FBXL2: variants seen among roughly 807,000 people sequenced by gnomAD.
FBXL2 encodes F-box/LRR-repeat protein 2.
FBXL2 carries 38 observed loss-of-function variants against 69.2 expected under a neutral mutation model. The ratio of observed to expected loss-of-function variants is 0.55; its 90% confidence interval spans 0.42 to 0.72. The LOEUF is 0.72. FBXL2 is among the 30% of genes least tolerant of loss of function. The pLI is 0.00. For missense variants in FBXL2, 354 were observed against 520.3 expected, an observed-to-expected ratio of 0.68 and a Z score of 3.11; for synonymous variants, 192 against 201.3, an observed-to-expected ratio of 0.95 and a Z score of 0.39.
intron 2 of FBXL2, among the ~76,000 whole-genome samples, chr3:33,332,429 G>A (rs998446938): frequency 6.6e-6 from 1 of 152,056 alleles, no homozygotes; most frequent in African/African-American, 2.4e-5. Context: ...CCACTTTTAG[G>A]TATATACCCC....
At chr3:33,388,145 G>T (rs1559658608), downstream of FBXL2, 2 of 150,950 alleles carry the variant, frequency 1.3e-5, no homozygotes, top group Non-Finnish European at 2.9e-5. Context: ...TAGTTAGTTA[G>T]TTAGTTAGTT....
downstream of FBXL2, chr3:33,391,935 G>C (rs1210073947): frequency 1.3e-5 from 2 of 152,526 alleles, no homozygotes; most frequent in Non-Finnish European, 1.5e-5. Flanking sequence ...GCCCTGATCC[G>C]CTCACCCTCA....
chr3:33,277,542 G>C (rs1434881083), intron 1 of FBXL2, 27 bp downstream of exon 1: 1 of 1,284,250 alleles, frequency 7.8e-7, no homozygotes, highest in Non-Finnish European at 9.9e-7. Flanking sequence ...CGTCTGCCTA[G>C]CTGCCCCGCC....
chr3:33,353,071 A>G (rs1230231194), intron 2 of FBXL2, among the ~76,000 whole-genome samples: 1 of 152,266 alleles, frequency 6.6e-6, no homozygotes, highest in Non-Finnish European at 1.5e-5. Flanking sequence ...TTGAAAATTA[A>G]GACAATGAGA....
intron 2 of FBXL2, chr3:33,317,721 T>C: frequency 3.3e-6 from 1 of 301,778 alleles, no homozygotes; most frequent in Non-Finnish European, 6.6e-6. Context: ...AGGTCTTACT[T>C]GCTCATTATT....
intron 1 of FBXL2, among the ~76,000 whole-genome samples, chr3:33,290,133 A>G (rs1228256514): frequency 6.6e-6 from 1 of 152,228 alleles, no homozygotes; most frequent in Non-Finnish European, 1.5e-5. Flanking sequence ...GAAACCTTGC[A>G]TAGGTTATGA....
chr3:33,342,758 C>T (rs1211840386), intron 2 of FBXL2, among the ~76,000 whole-genome samples: 1 of 100,356 alleles, frequency 1.0e-5, no homozygotes, highest in Non-Finnish European at 1.8e-5. Context: ...CAGAGTCTCG[C>T]TCTGTCACCT....
At chr3:33,346,824 A>AT (rs2040474684) in intron 2 of FBXL2, among the ~76,000 whole-genome samples, 2 of 134,766 alleles carry the variant, frequency 1.5e-5, no homozygotes, top group African/African-American at 3.0e-5. Flanking sequence ...CTGTGTTCAG[A>AT]TTTAAAAAAA....
intron 2 of FBXL2, among the ~76,000 whole-genome samples, chr3:33,348,717 T>C (rs2040625932): frequency 6.6e-6 from 1 of 152,124 alleles, no homozygotes; most frequent in South Asian, 2.1e-4. Context: ...AACAAAACAA[T>C]TGATTCTTCT....
At chr3:33,412,792 T>G in the FBXL2 span, 1 of 1,614,108 alleles carries the variant, frequency 6.2e-7, no homozygotes, top group Non-Finnish European at 8.5e-7. Context: ...CTGTGTATTG[T>G]AGCCGTCTGT....
chr3:33,378,947 G>A (rs952914437), intron 13 of FBXL2: 2 of 938,808 alleles, frequency 2.1e-6, no homozygotes, highest in African/African-American at 3.3e-5. Flanking sequence ...ATTCCCAAAA[G>A]AGAAATGTCC....
intron 2 of FBXL2, among the ~76,000 whole-genome samples, chr3:33,321,605 A>G (rs1347680380): frequency 3.3e-5 from 5 of 152,218 alleles, no homozygotes; most frequent in Admixed American, 6.5e-5. Context: ...ATGCCAGGAT[A>G]TGTTCTGAGA....
At chr3:33,418,520 A>G in the FBXL2 span, among the ~76,000 whole-genome samples, 1 of 151,806 alleles carries the variant, frequency 6.6e-6, no homozygotes, top group Non-Finnish European at 1.5e-5. Context: ...CAGCCTCCCA[A>G]AATGCTGGGA....
At chr3:33,354,179 G>T (rs1176517875) in intron 2 of FBXL2, among the ~76,000 whole-genome samples, 1 of 151,858 alleles carries the variant, frequency 6.6e-6, no homozygotes, top group African/African-American at 2.4e-5. Context: ...GTTGGTGGGG[G>T]TGTATATAGT....
chr3:33,277,175 A>C, upstream of FBXL2: 1 of 284,362 alleles, frequency 3.5e-6, no homozygotes, highest in Non-Finnish European at 6.0e-6. Flanking sequence ...TACCTGTATA[A>C]CGTTTTTTTT....
intron 12 of FBXL2, among the ~76,000 whole-genome samples, chr3:33,394,413 G>C (rs1314947309): frequency 6.6e-6 from 1 of 151,990 alleles, no homozygotes; most frequent in Non-Finnish European, 1.5e-5. Flanking sequence ...AAAGCTATCT[G>C]TATATGCCCC....
the FBXL2 span, among the ~76,000 whole-genome samples, chr3:33,418,411 C>CGG: frequency 6.6e-6 from 1 of 151,992 alleles, no homozygotes; most frequent in Non-Finnish European, 1.5e-5. Context: ...CCCGCCACCA[C>CGG]GCCCAGCTAA....
intron 12 of FBXL2, chr3:33,400,930 G>A: frequency 6.3e-7 from 1 of 1,584,368 alleles, no homozygotes; most frequent in Non-Finnish European, 8.6e-7. Flanking sequence ...AACCCTGAAA[G>A]CATCAGATAG....
chr3:33,353,901 C>A lies in FBXL2; in HGVS notation c.66-5066C>A, dbSNP rs192450559. Among the ~76,000 whole-genome samples, 43 of 151,834 alleles carry A rather than the reference C, an allele frequency of 2.8e-4. 1 individual carries two copies. The South Asian group carries it at 8.5e-3, about 30-fold the overall frequency. ...AGACCATGTCTGGGAAGAAAAAAAT[C>A]GGTAGTGGCCAAGGGTTCATGAGAA... is the stretch of plus-strand genomic sequence containing the variant. On this transcript the variant is annotated intron_variant, in intron 2 of 14. Transcript: ENST00000484457.
Sources: gnomAD v4.1 joint callset for allele counts (sites outside exome capture counted in the v4.1 genomes callset) on GRCh38, gnomAD v4.1.1 for gene constraint, MANE v1.5 for transcripts, NCBI Gene and HGNC (gene_info 2026-07-23, HGNC 2026-07-21) for gene names.